The following C2CD4C variants were observed in gnomAD, a reference collection of about 807,000 sequenced individuals.
C2CD4C encodes C2 calcium-dependent domain-containing protein 4C.
A neutral mutation model predicts 4.1 loss-of-function variants in C2CD4C; 3 were observed. The observed-to-expected ratio is 0.73, with a 90% CI of 0.33 to 1.88. C2CD4C has a LOEUF of 1.88. C2CD4C is among the 40% of genes most tolerant of loss of function. The pLI is 0.08. For synonymous variants in C2CD4C, 364 were observed against 290.4 expected, an observed-to-expected ratio of 1.25 and a Z score of -2.57; for missense variants, 664 against 621.5, an observed-to-expected ratio of 1.07 and a Z score of -0.73.
At chr19:408,836 G>A (rs948982976) in intron 1 of C2CD4C, among the ~76,000 whole-genome samples, 170 bp downstream of exon 1, 1 of 152,086 alleles carries the variant, frequency 6.6e-6, no homozygotes, top group Admixed American at 6.5e-5. Context: ...CCCTGGACCG[G>A]AGGGCCAGGC....
In C2CD4C at chr19:407,428, G is replaced by A. The variant is rs1974008776; in HGVS notation, c.934C>T (p.Leu312=). 3 of 1,504,058 alleles carry A rather than the reference G, an allele frequency of 2.0e-6. No homozygotes were observed. Among genetic ancestry groups the A allele is most frequent in the Non-Finnish European group, 2.6e-6 (3 of 1,132,596 alleles). The allele number at this position is 1,504,058 out of a possible 1,614,324, so 93.2% of individuals were successfully genotyped here. A position where few individuals can be genotyped will look rare whatever the true frequency, so the allele number is the denominator to read the frequency against. ...GCCTGGCCGGCCTCGTACTCGGCCA[G>A]CAGCCGCACGCTGCCCCGAGGGCCC... ...HVGPRGSVRL[L]AEYEAGQARL... The change falls in exon 2 of 2, where the codon CTG becomes TTG. Residue 312 remains leucine (L), a synonymous_variant. Transcript: ENST00000332235.
At chr19:408,484 GCA>G in intron 1 of C2CD4C, 83 bp from the exon 2 acceptor site, 1 of 592,350 alleles carries the variant, frequency 1.7e-6, no homozygotes. Context: ...GGGCCTCCCG[GCA>G]GGGCCCTGCC....
Position 406,237 on chromosome 19 carries a change from A to G in C2CD4C, c.*859T>C, listed in dbSNP as rs2145672213. 1 of 152,354 alleles carries G rather than the reference A, an allele frequency of 6.6e-6. No individual in the cohort carries two copies. Among genetic ancestry groups the G allele is most frequent in the South Asian group, 2.1e-4 (1 of 4,828 alleles). The allele number at this position is 152,354 out of a possible 1,614,324, so 9.4% of individuals were successfully genotyped here. On this transcript the variant is annotated 3_prime_UTR_variant, in exon 2 of 2. Coordinates refer to ENST00000332235, the MANE Select transcript of C2CD4C (RefSeq NM_001136263.2). ...GCTGCAGACGCTGGACAAAAGGGCGACGGGGTGGCAGCCCCCAGCGAGGAC... is the reference window on the plus strand; with the variant it reads ...GCTGCAGACGCTGGACAAAAGGGCGGCGGGGTGGCAGCCCCCAGCGAGGAC...
At position 406,989 on chromosome 19, in the gene C2CD4C, CG is replaced by C; in HGVS notation, c.*106del. On this transcript the variant is annotated 3_prime_UTR_variant, in exon 2 of 2. Transcript: ENST00000332235. ...CCCAGCCTGAGTGTGAGCCCCTCCC[CG>C]GCCAGCCCCAGCCCAAGCCAGCGGA... 1 of 731,426 alleles carries C rather than the reference CG, an allele frequency of 1.4e-6. No individual in the cohort carries two copies. Among genetic ancestry groups the C allele is most frequent in the Non-Finnish European group, 2.1e-6 (1 of 479,796 alleles). The allele number at this position is 731,426 out of a possible 1,614,324, so 45.3% of individuals were successfully genotyped here.
chr19:408,228 T>C lies in C2CD4C; in HGVS notation c.134A>G (p.Asp45Gly). ...GGGGATGAAAAAGTCGGGGATCTTG[T>C]CGGGCGTCAACACATTGCTGTACAG... ...GPLYSNVLTPDKIPDFFIPPK... is the reference protein window; with the variant it reads ...GPLYSNVLTPGKIPDFFIPPK... Residue 45 changes from aspartate to glycine, a missense_variant, in exon 2 of 2, where the codon GAC (aspartate) becomes GGC (glycine). Transcript: ENST00000332235. 2 of 1,466,072 alleles carry C rather than the reference T, an allele frequency of 1.4e-6. No homozygotes were observed. The highest frequency in any genetic ancestry group is 1.8e-6 in the Non-Finnish European group (2 of 1,109,970). 90.8% of individuals were successfully genotyped at this position (1,466,072 alleles called of 1,614,324 possible).
chr19:406,982 C>CCCGCCCCCCCCCCCCCCCCCCCCA lies in C2CD4C; in HGVS notation c.*113_*114insTGGGGGGGGGGGGGGGGGGGGCGG. 1.6e-6 allele frequency: 1 copy of CCCGCCCCCCCCCCCCCCCCCCCCA among 640,740 alleles called. No homozygotes were observed. Among genetic ancestry groups the CCCGCCCCCCCCCCCCCCCCCCCCA allele is most frequent in the Non-Finnish European group, 2.5e-6 (1 of 400,744 alleles). 39.7% of individuals were successfully genotyped at this position (640,740 alleles called of 1,614,324 possible). ...CGCCCAGCCCAGCCTGAGTGTGAGC[C>CCCGCCCCCCCCCCCCCCCCCCCCA]CCTCCCCGGCCAGCCCCAGCCCAAG... On this transcript the variant is annotated 3_prime_UTR_variant, in exon 2 of 2. Coordinates refer to ENST00000332235, the MANE Select transcript of C2CD4C (RefSeq NM_001136263.2).
At position 407,000 on chromosome 19, in the gene C2CD4C, A is replaced by ACCCCCCCG; in HGVS notation, c.*95_*96insCGGGGGGG. 1.8e-6 allele frequency: 1 copy of ACCCCCCCG among 553,780 alleles called. No individual in the cohort carries two copies. The allele number at this position is 553,780 out of a possible 1,614,324, so 34.3% of individuals were successfully genotyped here. A position where few individuals can be genotyped will look rare whatever the true frequency, so the allele number is the denominator to read the frequency against. On this transcript the variant is annotated 3_prime_UTR_variant, in exon 2 of 2. Coordinates refer to ENST00000332235, the MANE Select transcript of C2CD4C (RefSeq NM_001136263.2). ...TGTGAGCCCCTCCCCGGCCAGCCCC[A>ACCCCCCCG]GCCCAAGCCAGCGGACCCGCCCGCC...
At position 408,417 on chromosome 19, in the gene C2CD4C, G is replaced by C. The variant is rs1266987893; in HGVS notation, c.-40-16C>G. 6 of 1,506,686 alleles carry C rather than the reference G, an allele frequency of 4.0e-6. No homozygotes were observed. Among genetic ancestry groups the C allele is most frequent in the Non-Finnish European group, 5.3e-6 (6 of 1,123,930 alleles). 93.3% of individuals were successfully genotyped at this position (1,506,686 alleles called of 1,614,324 possible). A position where few individuals can be genotyped will look rare whatever the true frequency, so the allele number is the denominator to read the frequency against. On this transcript the variant is annotated splice_polypyrimidine_tract_variant and intron_variant, in intron 1 of 1. Coordinates refer to ENST00000332235, the MANE Select transcript of C2CD4C (RefSeq NM_001136263.2). ...GCTGCAGCGTCTGGGAAGAGAAGCA[G>C]GGGTCAGGAGCAGTGGGGGGCGGCT...
rs1973996041 is a variant in C2CD4C, at chr19:406,778, C to T, written c.*318G>A. 5 of 338,808 alleles carry T rather than the reference C, an allele frequency of 1.5e-5. No homozygotes were observed. Among genetic ancestry groups the T allele is most frequent in the South Asian group, 1.3e-4 (3 of 22,478 alleles). The allele number at this position is 338,808 out of a possible 1,614,324, so 21.0% of individuals were successfully genotyped here. On this transcript the variant is annotated 3_prime_UTR_variant, in exon 2 of 2. Transcript: ENST00000332235. ...TCCTTCTAGAACTCTGCGTGAAAGG[C>T]GCGAGGCAGTGTGGAGGGGCAAAGG...
Position 407,307 on chromosome 19 carries a change from G to A in C2CD4C, c.1055C>T (p.Pro352Leu). The change falls in exon 2 of 2, where the codon CCG becomes CTG. Residue 352 changes from proline (P) to leucine (L), a missense_variant. Coordinates refer to ENST00000332235, the MANE Select transcript of C2CD4C (RefSeq NM_001136263.2). ...INCCVGLCLV[P>L]GKLQKQRSTI... is the part of the protein sequence containing the mutation. ...GCTGCGCTGCTTCTGCAGCTTGCCCGGCACCAGGCACAGGCCCACGCAGCA... is the reference window on the plus strand; with the variant it reads ...GCTGCGCTGCTTCTGCAGCTTGCCCAGCACCAGGCACAGGCCCACGCAGCA... The A allele has an allele frequency of 3.9e-6, 6 of 1,549,778 alleles. No individual in the cohort carries two copies. Among genetic ancestry groups the A allele is most frequent in the Middle Eastern group, 1.7e-4 (1 of 5,988 alleles).
rs1973999430 is a variant in C2CD4C, at chr19:406,917, T to C, written c.*179A>G. ...ATGAAAAATAATACTCCAGTCAGCA[T>C]CGGGTGACCCAGGAAACCCTGCGTC... On this transcript the variant is annotated 3_prime_UTR_variant, in exon 2 of 2. Transcript: ENST00000332235. The C allele has an allele frequency of 1.7e-6, 1 of 583,566 alleles. No homozygotes were observed. Among genetic ancestry groups the C allele is most frequent in the Non-Finnish European group, 3.0e-6 (1 of 336,094 alleles). 36.1% of individuals were successfully genotyped at this position (583,566 alleles called of 1,614,324 possible).
intron 1 of C2CD4C, among the ~76,000 whole-genome samples, 161 bp downstream of exon 1, chr19:408,845 G>A (rs1454872670): frequency 6.6e-6 from 1 of 152,098 alleles, no homozygotes; most frequent in African/African-American, 2.4e-5. Context: ...GGAGGGCCAG[G>A]CGTTCGGGGT....
In C2CD4C at chr19:407,608, G is replaced by C; in HGVS notation, c.754C>G (p.Gln252Glu). 6.9e-7 allele frequency: 1 copy of C among 1,446,204 alleles called. No individual in the cohort carries two copies. The highest frequency in any genetic ancestry group is 9.1e-7 in the Non-Finnish European group (1 of 1,097,948). The allele number at this position is 1,446,204 out of a possible 1,614,324, so 89.6% of individuals were successfully genotyped here. A position where few individuals can be genotyped will look rare whatever the true frequency, so the allele number is the denominator to read the frequency against. The change falls in exon 2 of 2, where the codon CAG becomes GAG. Residue 252 changes from glutamine to glutamate, a missense_variant. Physicochemically the swap from Gln to Glu is conservative, Grantham distance 29. Coordinates refer to ENST00000332235, the MANE Select transcript of C2CD4C (RefSeq NM_001136263.2). ...FAQDSQAKVS[Q>E]LRHSVGRHGS... ...TGGCGGCCCACGGAGTGCCGGAGCT[G>C]GCTCACCTTGGCCTGGCTGTCCTGG... is the stretch of plus-strand genomic sequence containing the variant.
chr19:406,724 A>G lies in C2CD4C; in HGVS notation c.*372T>C, dbSNP rs7247159. On this transcript the variant is annotated 3_prime_UTR_variant, in exon 2 of 2. Transcript: ENST00000332235. ...CTGTCCACGGCCCCGCCCTGGCCAC[A>G]TGCACGGATTCCTGAACCCCTGAGA... is the stretch of plus-strand genomic sequence containing the variant. 135,361 of 201,684 alleles carry G rather than the reference A, an allele frequency of 0.67. 47,186 individuals carry two copies. Among genetic ancestry groups the G allele is most frequent in the Non-Finnish European group, 0.75 (76,295 of 101,236 alleles). The allele number at this position is 201,684 out of a possible 1,614,324, so 12.5% of individuals were successfully genotyped here.
Position 406,867 on chromosome 19 carries a change from C to T in C2CD4C, c.*229G>A, listed in dbSNP as rs1973998540. ...CCGAGGCCCCTCTCCTCCTCCTCCTCCTCCTCCAAAGGAGAAATTAATTCA... is the reference window on the plus strand; with the variant it reads ...CCGAGGCCCCTCTCCTCCTCCTCCTTCTCCTCCAAAGGAGAAATTAATTCA... On this transcript the variant is annotated 3_prime_UTR_variant, in exon 2 of 2. Transcript: ENST00000332235. 1.9e-6 allele frequency: 1 copy of T among 528,032 alleles called. No homozygotes were observed. Among genetic ancestry groups the T allele is most frequent in the East Asian group, 3.2e-5 (1 of 30,912 alleles). 32.7% of individuals were successfully genotyped at this position (528,032 alleles called of 1,614,324 possible).
At position 406,868 on chromosome 19, in the gene C2CD4C, C is replaced by T. The variant is rs1973998603; in HGVS notation, c.*228G>A. The T allele has an allele frequency of 5.7e-6, 3 of 530,548 alleles. No homozygotes were observed. In the South Asian group the frequency reaches 8.2e-5, roughly 15 times the overall value. 32.9% of individuals were successfully genotyped at this position (530,548 alleles called of 1,614,324 possible). A position where few individuals can be genotyped will look rare whatever the true frequency, so the allele number is the denominator to read the frequency against. The stretch of plus-strand genomic sequence containing the variant: ...CGAGGCCCCTCTCCTCCTCCTCCTC[C>T]TCCTCCAAAGGAGAAATTAATTCAT... On this transcript the variant is annotated 3_prime_UTR_variant, in exon 2 of 2. Coordinates refer to ENST00000332235, the MANE Select transcript of C2CD4C (RefSeq NM_001136263.2).
In C2CD4C at chr19:407,069, C is replaced by G. The variant is rs777548586; in HGVS notation, c.*27G>C. ...GAGACCGGGGTCTGCCCTCTGCACC[C>G]GAGCGGACAGCGAGCAGGTCCCCGC... On this transcript the variant is annotated 3_prime_UTR_variant, in exon 2 of 2. Transcript: ENST00000332235. The G allele has an allele frequency of 9.2e-6, 14 of 1,522,002 alleles. No individual in the cohort carries two copies. The South Asian group carries it at 1.5e-4, about 16-fold the overall frequency. The allele number at this position is 1,522,002 out of a possible 1,614,324, so 94.3% of individuals were successfully genotyped here.
rs1974027773 is a variant in C2CD4C, at chr19:408,195, A to T, written c.167T>A (p.Leu56Gln). 2 of 1,453,556 alleles carry T rather than the reference A, an allele frequency of 1.4e-6. No individual in the cohort carries two copies. Among genetic ancestry groups the T allele is most frequent in the South Asian group, 2.9e-5 (2 of 68,698 alleles). 90.0% of individuals were successfully genotyped at this position (1,453,556 alleles called of 1,614,324 possible). A position where few individuals can be genotyped will look rare whatever the true frequency, so the allele number is the denominator to read the frequency against. The change falls in exon 2 of 2, where the codon CTG becomes CAG. Residue 56 changes from leucine (L) to glutamine (Q), a missense_variant. Leu to Gln is a moderately radical substitution (Grantham distance 113). Coordinates refer to ENST00000332235, the MANE Select transcript of C2CD4C (RefSeq NM_001136263.2). ...CTCGCCCTCCGCGGGGCCCGAGGGC[A>T]GCTTGGGGGGGATGAAAAAGTCGGG... Reference protein sequence around the residue: ...KIPDFFIPPKLPSGPAEGEGQ... With the variant: ...KIPDFFIPPKQPSGPAEGEGQ...
chr19:407,988 G>A lies in C2CD4C; in HGVS notation c.374C>T (p.Ala125Val), dbSNP rs770426818. The A allele has an allele frequency of 1.3e-6, 2 of 1,548,994 alleles. No individual in the cohort carries two copies. The highest frequency in any genetic ancestry group is 2.4e-5 in the South Asian group (2 of 84,012). Residue 125 changes from alanine (A) to valine (V), a missense_variant, in exon 2 of 2, where the codon GCC becomes GTC. Ala to Val is a moderately conservative substitution (Grantham distance 64). Coordinates refer to ENST00000332235, the MANE Select transcript of C2CD4C (RefSeq NM_001136263.2). ...ESAEDWLSEE[A>V]TDADPQAQGA... ...CTGGGCCTGGGGGTCGGCGTCAGTG[G>A]CCTCCTCGGACAGCCAGTCCTCGGC...
Sources: gnomAD v4.1 joint callset for allele counts (sites outside exome capture counted in the v4.1 genomes callset) on GRCh38, gnomAD v4.1.1 for gene constraint, MANE v1.5 for transcripts, NCBI Gene and HGNC (gene_info 2026-07-23, HGNC 2026-07-21) for gene names.